Variants in RTTN observed in about 807,000 individuals in gnomAD.
The protein encoded by RTTN is rotatin.
A neutral mutation model predicts 269.2 loss-of-function variants in RTTN; 182 were observed. The ratio of observed to expected loss-of-function variants is 0.68; its 90% CI spans 0.60 to 0.76. The LOEUF (loss-of-function observed/expected upper bound fraction) is 0.76, where lower values mean the gene tolerates loss of function less well. RTTN is among the 30% of genes least tolerant of loss of function. The probability of loss-of-function intolerance (pLI) is 0.00; values close to 1 mark genes in which losing one functional copy is unlikely to be tolerated. For missense variants in RTTN, 2,545 were observed against 2,608.6 expected (o/e 0.98, Z 0.53); for synonymous variants, 1,006 against 963.5 (o/e 1.04, Z -0.82).
At chr18:70,111,584 T>C (rs1041667696) in intron 27 of RTTN, among the ~76,000 whole-genome samples, 4 of 151,656 alleles carry the variant, frequency 2.6e-5, no homozygotes, top group Admixed American at 1.3e-4. Context: ...TGAAATAAAA[T>C]GTGAAGACAA....
At chr18:70,063,260 T>C (rs1386251916) in intron 35 of RTTN, among the ~76,000 whole-genome samples, 4 of 152,218 alleles carry the variant, frequency 2.6e-5, no homozygotes, top group African/African-American at 7.2e-5. Context: ...CAAAAGAATG[T>C]ACTGCCAATA....
At chr18:70,044,378 C>T (rs944734886) in intron 40 of RTTN, among the ~76,000 whole-genome samples, 1 of 152,120 alleles carries the variant, frequency 6.6e-6, no homozygotes, top group East Asian at 1.9e-4. Flanking sequence ...CAATTATAGA[C>T]AAAATCTACT....
chr18:70,124,638 G>A (rs1395377587), intron 25 of RTTN, among the ~76,000 whole-genome samples: 1 of 152,084 alleles, frequency 6.6e-6, no homozygotes, highest in African/African-American at 2.4e-5. Context: ...ATGTTAGAGA[G>A]AGAGGAGGAA....
At chr18:70,182,804 CAA>C (rs2061449669) in intron 10 of RTTN, among the ~76,000 whole-genome samples, 1 of 152,046 alleles carries the variant, frequency 6.6e-6, no homozygotes, top group African/African-American at 2.4e-5. Flanking sequence ...TATTACTTAT[CAA>C]AACACTTCTT....
At chr18:70,145,394 T>C (rs553195694) in intron 18 of RTTN, among the ~76,000 whole-genome samples, 2 of 152,258 alleles carry the variant, frequency 1.3e-5, no homozygotes, top group East Asian at 3.9e-4. Context: ...AATTGTCCTG[T>C]GAAACTGGTC....
chr18:70,146,846 T>C (rs1291364955), intron 17 of RTTN, among the ~76,000 whole-genome samples: 1 of 152,208 alleles, frequency 6.6e-6, no homozygotes, highest in Non-Finnish European at 1.5e-5. Context: ...AGATATTTAC[T>C]GCAATATTGT....
chr18:70,144,201 ATTAG>A (rs2060330785), intron 18 of RTTN, among the ~76,000 whole-genome samples: 1 of 152,166 alleles, frequency 6.6e-6, no homozygotes, highest in African/African-American at 2.4e-5. Flanking sequence ...CCATTAATCC[ATTAG>A]CAACCTTACA....
At position 70,113,037 on chromosome 18, in the gene RTTN, G is replaced by A. The variant is rs186116494; in HGVS notation, c.3683+1408C>T. Among the ~76,000 whole-genome samples, 423 of 152,168 alleles carry A rather than the reference G, an allele frequency of 2.8e-3. 6 individuals carry two copies. Among genetic ancestry groups the A allele is most frequent in the Non-Finnish European group, 1.2e-3 (83 of 68,008 alleles). On this transcript the variant is annotated intron_variant, in intron 27 of 48. Coordinates refer to ENST00000640769, the MANE Select transcript of RTTN (RefSeq NM_173630.4). ...CTCACTCCAAACCGCACAACTATAT[G>A]GAAACCGAACAACCTGCTCCTAAAT...
chr18:70,133,415 C>A (rs188092038), intron 23 of RTTN, among the ~76,000 whole-genome samples: 2 of 152,114 alleles, frequency 1.3e-5, no homozygotes, highest in African/African-American at 4.8e-5. Flanking sequence ...TATATTCCAA[C>A]AATGACACGT....
chr18:70,044,784 G>A (rs1294628905), intron 40 of RTTN, among the ~76,000 whole-genome samples: 1 of 152,116 alleles, frequency 6.6e-6, no homozygotes, highest in Non-Finnish European at 1.5e-5. Flanking sequence ...TGCAGCATGG[G>A]TAAGCTAGAC....
chr18:70,087,418 G>A (rs2058729551), intron 31 of RTTN, among the ~76,000 whole-genome samples: 1 of 152,118 alleles, frequency 6.6e-6, no homozygotes, highest in African/African-American at 2.4e-5. Context: ...AACAAAACTA[G>A]CCTTTTGAGC....
intron 27 of RTTN, among the ~76,000 whole-genome samples, chr18:70,110,688 C>A (rs1179665118): frequency 6.6e-6 from 1 of 152,166 alleles, no homozygotes; most frequent in African/African-American, 2.4e-5. Context: ...CCCAGTGGCG[C>A]CTGGAACAGC....
intron 46 of RTTN, 198 bp from the exon 47 acceptor site, chr18:70,006,682 GCATAGA>G: frequency 3.7e-6 from 2 of 536,602 alleles, no homozygotes. Context: ...TTCATGTCAG[GCATAGA>G]AGGGTCAAAG....
rs1413659135 is a variant in RTTN, at chr18:70,048,007, C to T, written c.5505G>A (p.Gln1835=). Reference sequence around the variant, plus strand: ...CATCACTAAGTTGTTCTAGAGATTTCTGATTTTCCTGAGAGTCATCAAGAA... The same window carrying T: ...CATCACTAAGTTGTTCTAGAGATTTTTGATTTTCCTGAGAGTCATCAAGAA... ...ASLLDDSQEN[Q]KSLEQLSDVI... The change falls in exon 40 of 49, where the codon CAG becomes CAA. Residue 1835 remains glutamine (Q), a synonymous_variant. Coordinates refer to ENST00000640769, the MANE Select transcript of RTTN (RefSeq NM_173630.4). 1.2e-6 allele frequency: 2 copies of T among 1,613,952 alleles called. No individual in the cohort carries two copies. The highest frequency in any genetic ancestry group is 1.7e-6 in the Non-Finnish European group (2 of 1,179,964).
chr18:70,184,590 A>T (rs1381066030), intron 10 of RTTN, among the ~76,000 whole-genome samples: 1 of 151,910 alleles, frequency 6.6e-6, no homozygotes, highest in Admixed American at 6.6e-5. Context: ...GAGCTAAACA[A>T]GTGAAGACAT....
chr18:70,101,626 A>T (rs2059169591), intron 28 of RTTN, among the ~76,000 whole-genome samples: 1 of 151,968 alleles, frequency 6.6e-6, no homozygotes, highest in Non-Finnish European at 1.5e-5. Context: ...TAGCTTTTGA[A>T]TGTGTTTACT....
intron 27 of RTTN, among the ~76,000 whole-genome samples, chr18:70,110,332 C>T (rs1050682790): frequency 2.0e-5 from 3 of 151,914 alleles, no homozygotes; most frequent in African/African-American, 2.4e-5. Flanking sequence ...ACGCAGAAGG[C>T]GGGTGATTTC....
At chr18:70,144,165 ATT>A (rs1343868124) in intron 18 of RTTN, among the ~76,000 whole-genome samples, 2 of 152,124 alleles carry the variant, frequency 1.3e-5, no homozygotes, top group Non-Finnish European at 2.9e-5. Flanking sequence ...CTTAATATAC[ATT>A]TTTGCTAGGA....
chr18:70,101,246 A>G (rs1308082109), intron 28 of RTTN, among the ~76,000 whole-genome samples: 3 of 152,122 alleles, frequency 2.0e-5, no homozygotes, highest in Admixed American at 6.5e-5. Context: ...TATTGCCTCA[A>G]TTTCAGAGCC....
Sources: allele counts gnomAD v4.1 joint callset (sites outside exome capture counted in the v4.1 genomes callset), GRCh38; gene constraint gnomAD v4.1.1; transcripts MANE v1.5; gene names NCBI Gene and HGNC (gene_info 2026-07-23, HGNC 2026-07-21).